PARD3B: variants seen among roughly 807,000 people sequenced by gnomAD.
PARD3B encodes the protein par-3 family cell polarity regulator beta.
PARD3B carries 103 observed loss-of-function variants against 130.2 expected under a neutral mutation model. That is an observed-to-expected ratio of 0.79 (90% CI 0.67 to 0.93). The LOEUF (loss-of-function observed/expected upper bound fraction) is 0.93, where lower values mean the gene tolerates loss of function less well. Among genes scored for constraint, PARD3B ranks in the 40% least tolerant of loss-of-function variants. PARD3B has a pLI of 0.00. For synonymous variants in PARD3B, 583 were observed against 553.2 expected (o/e 1.05, Z -0.76); for missense variants, 1,609 against 1,499.2 (o/e 1.07, Z -1.21).
intron 1 of PARD3B, among the ~76,000 whole-genome samples, chr2:204,640,283 C>T (rs1009074477): frequency 1.3e-5 from 2 of 152,238 alleles, no homozygotes; most frequent in Admixed American, 6.5e-5. Context: ...AGACTCCTTG[C>T]TCTTCTCTTC....
chr2:205,103,528 A>G (rs1702977270), intron 4 of PARD3B, among the ~76,000 whole-genome samples: 1 of 152,176 alleles, frequency 6.6e-6, no homozygotes, highest in Admixed American at 6.5e-5. Context: ...TAATGCATTC[A>G]GATGCATAAA....
chr2:205,040,339 C>G (rs188398090), intron 3 of PARD3B, among the ~76,000 whole-genome samples: 6 of 152,170 alleles, frequency 3.9e-5, no homozygotes, highest in Admixed American at 2.6e-4. Context: ...GTTGCAGCCC[C>G]TCCTCCGTGC....
chr2:205,079,645 G>A (rs574595763), intron 4 of PARD3B, among the ~76,000 whole-genome samples: 4 of 152,078 alleles, frequency 2.6e-5, no homozygotes, highest in African/African-American at 9.6e-5. Flanking sequence ...ATTTTGGAGG[G>A]CACACAAATC....
intron 2 of PARD3B, among the ~76,000 whole-genome samples, chr2:204,690,518 C>T (rs1227380130): frequency 6.6e-6 from 1 of 151,968 alleles, no homozygotes; most frequent in African/African-American, 2.4e-5. Context: ...AAAGACACAC[C>T]CAGCCAATGC....
chr2:205,345,989 A>G lies in PARD3B; in HGVS notation c.2630+44288A>G, dbSNP rs4675523. Among the ~76,000 whole-genome samples the G allele has an allele frequency of 1.2e-3, 44 of 37,418 alleles. 9 individuals are homozygous for G. The highest frequency in any genetic ancestry group is 1.7e-3 in the African/African-American group (42 of 24,048). The allele number at this position is 37,418 out of a possible 152,430, so 24.5% of individuals were successfully genotyped here. A position where few individuals can be genotyped will look rare whatever the true frequency, so the allele number is the denominator to read the frequency against. ...AGTTCAAGACCAGCCTGGCCAACAT[A>G]GTGAAACCCTGTCTCTACTAAAATA... On this transcript the variant is annotated intron_variant, in intron 18 of 22. Transcript: ENST00000406610.
chr2:204,742,110 C>A (rs963315641), intron 2 of PARD3B, among the ~76,000 whole-genome samples: 2 of 152,178 alleles, frequency 1.3e-5, no homozygotes, highest in Non-Finnish European at 2.9e-5. Context: ...TTTAGAACCA[C>A]TGTCTAAGGA....
intron 21 of PARD3B, among the ~76,000 whole-genome samples, chr2:205,528,353 C>T (rs2051427880): frequency 6.6e-6 from 1 of 152,182 alleles, no homozygotes; most frequent in Non-Finnish European, 1.5e-5. Context: ...TGCCCCTCAA[C>T]AAATGTTTGA....
At chr2:204,585,016 C>A (rs989066759) in intron 1 of PARD3B, among the ~76,000 whole-genome samples, 45 of 152,130 alleles carry the variant, frequency 3.0e-4, no homozygotes, top group African/African-American at 1.0e-3. Flanking sequence ...ACTGGAGCAA[C>A]CTTGGAGGGA....
At chr2:205,278,402 G>T (rs1036117012) in intron 16 of PARD3B, among the ~76,000 whole-genome samples, 36 of 151,658 alleles carry the variant, frequency 2.4e-4, no homozygotes, top group East Asian at 7.7e-4. Flanking sequence ...TGATAGGCTT[G>T]GGGGGGAGAG....
chr2:205,164,973 A>G (rs1030533690), intron 11 of PARD3B, among the ~76,000 whole-genome samples: 4 of 152,148 alleles, frequency 2.6e-5, no homozygotes, highest in South Asian at 2.1e-4. Flanking sequence ...ACCCATTTTT[A>G]TAGTGACTGG....
Position 204,906,699 on chromosome 2 carries a change from C to T in PARD3B, c.223-58453C>T, listed in dbSNP as rs1056974326. Among the ~76,000 whole-genome samples the T allele has an allele frequency of 6.6e-6, 1 of 152,176 alleles. No homozygotes were observed. The highest frequency in any genetic ancestry group is 2.4e-5 in the African/African-American group (1 of 41,444). On this transcript the variant is annotated intron_variant, in intron 2 of 22. Coordinates refer to ENST00000406610, the MANE Select transcript of PARD3B (RefSeq NM_001302769.2). The surrounding 1 kb of genome is among the most constrained non-coding windows in gnomAD (Gnocchi z 4.3). Reference sequence around the variant, plus strand: ...AGAGTGAGTTCAAAATTTGTTTTTACATTTAGCCTGACTTCCAGCCATGGA... The same window carrying T: ...AGAGTGAGTTCAAAATTTGTTTTTATATTTAGCCTGACTTCCAGCCATGGA...
At chr2:204,718,884 A>C (rs746693716) in intron 2 of PARD3B, among the ~76,000 whole-genome samples, 8 of 152,180 alleles carry the variant, frequency 5.3e-5, no homozygotes, top group Non-Finnish European at 7.3e-5. Context: ...ACTGAAAATG[A>C]GTCAGGTAAT....
At position 204,907,537 on chromosome 2, in the gene PARD3B, G is replaced by A. The variant is rs1362167825; in HGVS notation, c.223-57615G>A. Among the ~76,000 whole-genome samples, 1 of 152,144 alleles carries A rather than the reference G, an allele frequency of 6.6e-6. No homozygotes were observed. The highest frequency in any genetic ancestry group is 1.5e-5 in the Non-Finnish European group (1 of 68,042). The stretch of plus-strand genomic sequence containing the variant: ...AGGGAATTTCACTGTGTCACTCTGG[G>A]TGGTAATGCAAGGCACATTGGGGGC... On this transcript the variant is annotated intron_variant, in intron 2 of 22. Transcript: ENST00000406610. This position sits in a 1 kb window ranked among gnomAD's most constrained non-coding sequence, Gnocchi z 5.7.
At chr2:204,840,357 T>C (rs960492747) in intron 2 of PARD3B, among the ~76,000 whole-genome samples, 2 of 152,194 alleles carry the variant, frequency 1.3e-5, no homozygotes, top group Admixed American at 6.5e-5. Context: ...TGTGTTTTAC[T>C]TCATAAAATT....
At chr2:204,687,760 C>T (rs938784238) in intron 2 of PARD3B, among the ~76,000 whole-genome samples, 3 of 152,094 alleles carry the variant, frequency 2.0e-5, no homozygotes, top group African/African-American at 7.2e-5. Flanking sequence ...TGAAATAATC[C>T]AGATATTTTA....
intron 4 of PARD3B, among the ~76,000 whole-genome samples, chr2:205,059,180 A>C (rs1426648648): frequency 6.6e-6 from 1 of 152,008 alleles, no homozygotes; most frequent in Non-Finnish European, 1.5e-5. Context: ...CATTTGTTAA[A>C]AAGGTTATTC....
intron 2 of PARD3B, among the ~76,000 whole-genome samples, chr2:204,761,245 T>C (rs1316552099): frequency 6.6e-6 from 1 of 152,162 alleles, no homozygotes; most frequent in Non-Finnish European, 1.5e-5. Context: ...ATTTTAGTGT[T>C]TCATCATCTT....
intron 3 of PARD3B, among the ~76,000 whole-genome samples, chr2:204,989,028 C>T (rs1693415454): frequency 6.6e-6 from 1 of 152,166 alleles, no homozygotes; most frequent in Non-Finnish European, 1.5e-5. Context: ...CACAAGATAG[C>T]AGTGGTCTTT....
chr2:204,955,644 C>A (rs1350318375), intron 2 of PARD3B, among the ~76,000 whole-genome samples: 2 of 152,140 alleles, frequency 1.3e-5, no homozygotes, highest in Non-Finnish European at 2.9e-5. Flanking sequence ...CAGTTTTTTT[C>A]ATCTGTAAAA....
Sources: allele counts gnomAD v4.1 joint callset (sites outside exome capture counted in the v4.1 genomes callset), GRCh38; gene constraint gnomAD v4.1.1; non-coding constraint Gnocchi (gnomAD v3.1); transcripts MANE v1.5; gene names NCBI Gene and HGNC (gene_info 2026-07-23, HGNC 2026-07-21).